GTSE1: variants seen among roughly 807,000 people sequenced by gnomAD.
GTSE1 encodes G2 and S phase-expressed protein 1.
In GTSE1, 52 loss-of-function variants were observed where a neutral mutation model predicts 60.5. The observed-to-expected ratio is 0.86, with a 90% CI of 0.69 to 1.08. The LOEUF (loss-of-function observed/expected upper bound fraction) is 1.08, where lower values mean the gene tolerates loss of function less well. GTSE1 is among the 50% of genes least tolerant of loss of function. The pLI, the probability that GTSE1 is intolerant of heterozygous loss-of-function variation, is 0.00. For synonymous variants in GTSE1, 368 were observed against 386.5 expected, an observed-to-expected ratio of 0.95 and a Z score of 0.56; for missense variants, 937 against 961.8, an observed-to-expected ratio of 0.97 and a Z score of 0.34.
chr22:46,328,524 C>G (rs1000687881), intron 9 of GTSE1, among the ~76,000 whole-genome samples, 164 bp from the exon 10 acceptor site: 1 of 152,194 alleles, frequency 6.6e-6, no homozygotes, highest in Non-Finnish European at 1.5e-5. Context: ...GATCACTGAG[C>G]CCCTTCCATA....
At position 46,308,862 on chromosome 22, in the gene GTSE1, T is replaced by A; in HGVS notation, c.681T>A (p.Thr227=). 6.2e-7 allele frequency: 1 copy of A among 1,613,260 alleles called. No individual in the cohort carries two copies. The highest frequency in any genetic ancestry group is 8.5e-7 in the Non-Finnish European group (1 of 1,180,040). Residue 227 remains threonine, a synonymous_variant, in exon 4 of 12, where the codon ACT becomes ACA. Coordinates refer to ENST00000454366, the MANE Select transcript of GTSE1 (RefSeq NM_016426.7). ...CTAHAASQAA[T]QRKPGTKLLL... Reference sequence around the variant, plus strand: ...CTCATGCTGCAAGTCAGGCAGCGACTCAGAGGAAGCCCGGGACCAAATTGC... The same window carrying A: ...CTCATGCTGCAAGTCAGGCAGCGACACAGAGGAAGCCCGGGACCAAATTGC...
chr22:46,323,648 G>A (rs6008685), intron 8 of GTSE1, among the ~76,000 whole-genome samples: 9,718 of 152,176 alleles, frequency 0.064, 1,062 homozygotes, highest in African/African-American at 0.22. Flanking sequence ...GACTTGTACC[G>A]CAGTTGAAGA....
At chr22:46,299,410 A>C (rs1388633828) in intron 2 of GTSE1, among the ~76,000 whole-genome samples, 2 of 152,212 alleles carry the variant, frequency 1.3e-5, no homozygotes, top group African/African-American at 4.8e-5. Flanking sequence ...GCGTCTTCAC[A>C]TGCACGTCTC....
chr22:46,323,389 G>A (rs764815592), intron 8 of GTSE1, 127 bp downstream of exon 8: 4 of 748,326 alleles, frequency 5.3e-6, no homozygotes, highest in South Asian at 1.4e-5. Context: ...TCTCTTGGGT[G>A]CAGGCCGAGC....
intron 8 of GTSE1, among the ~76,000 whole-genome samples, chr22:46,325,283 G>A (rs992197889): frequency 1.3e-4 from 19 of 151,824 alleles, no homozygotes; most frequent in Admixed American, 9.8e-4. Context: ...TGCAACCTCC[G>A]CTTCCTACGT....
rs757325598 is a variant in GTSE1 at position 46,318,608 on chromosome 22, G to A, written c.1432+2196G>A. Among the ~76,000 whole-genome samples, 1 of 152,120 alleles carries A rather than the reference G, an allele frequency of 6.6e-6. No homozygotes were observed. Among genetic ancestry groups the A allele is most frequent in the Non-Finnish European group, 1.5e-5 (1 of 68,042 alleles). ...GGCAAAGATGGTCAGGAGGTGACAC[G>A]GGACTGAGATCTGAACCAGGAGACT... On this transcript the variant is annotated intron_variant, in intron 7 of 11. Transcript: ENST00000454366. The surrounding 1 kb of genome is among the most constrained non-coding windows in gnomAD (Gnocchi z 4.8).
At position 46,312,164 on chromosome 22, in the gene GTSE1, T is replaced by C. The variant is rs2077752004; in HGVS notation, c.786T>C (p.Ser262=). Residue 262 remains serine (S), a synonymous_variant, in exon 5 of 12, where the codon AGT becomes AGC. Coordinates refer to ENST00000454366, the MANE Select transcript of GTSE1 (RefSeq NM_016426.7). ...AGCCCAAGAAAGAGATTCCAGCTAGTCCTTCCAGGACAAAAATCCCAGCTG... is the reference window on the plus strand; with the variant it reads ...AGCCCAAGAAAGAGATTCCAGCTAGCCCTTCCAGGACAAAAATCCCAGCTG... ...AEKPKKEIPA[S]PSRTKIPAEK... 6.2e-7 allele frequency: 1 copy of C among 1,613,782 alleles called. No individual in the cohort carries two copies. Among genetic ancestry groups the C allele is most frequent in the Non-Finnish European group, 8.5e-7 (1 of 1,179,834 alleles).
chr22:46,299,382 T>C (rs145303644), intron 2 of GTSE1, among the ~76,000 whole-genome samples: 39 of 152,372 alleles, frequency 2.6e-4, no homozygotes, highest in African/African-American at 9.1e-4. Context: ...TGGGCTTGTA[T>C]ATTCACCTGC....
Position 46,308,902 on chromosome 22 carries a change from G to T in GTSE1, c.721G>T (p.Ala241Ser). ...GACCAAATTGCTGCTGCCTCGAGCG[G>T]CCTCTGTTAGAGGAAGAAGCATCCC... is the stretch of plus-strand genomic sequence containing the variant. ...PGTKLLLPRAASVRGRSIPGA... is the reference protein window; with the variant it reads ...PGTKLLLPRASSVRGRSIPGA... Residue 241 changes from alanine (A) to serine (S), a missense_variant, in exon 4 of 12, where the codon GCC becomes TCC. Transcript: ENST00000454366. 1 of 1,613,036 alleles carries T rather than the reference G, an allele frequency of 6.2e-7. No homozygotes were observed. The highest frequency in any genetic ancestry group is 8.5e-7 in the Non-Finnish European group (1 of 1,179,968).
chr22:46,301,105 T>C (rs1437190391), intron 2 of GTSE1, among the ~76,000 whole-genome samples: 1 of 152,254 alleles, frequency 6.6e-6, no homozygotes, highest in Non-Finnish European at 1.5e-5. Flanking sequence ...TGTACCTATA[T>C]AGGGTTCCAC....
At chr22:46,328,271 G>A (rs1405162534) in intron 9 of GTSE1, among the ~76,000 whole-genome samples, 3 of 152,188 alleles carry the variant, frequency 2.0e-5, no homozygotes, top group Non-Finnish European at 4.4e-5. Context: ...AGGGGAGGGG[G>A]CATCTGGGGC....
intron 5 of GTSE1, 146 bp downstream of exon 5, chr22:46,312,451 G>A: frequency 1.4e-6 from 1 of 727,880 alleles, no homozygotes; most frequent in Non-Finnish European, 2.2e-6. Flanking sequence ...ACCAGCCTGA[G>A]CAACATGATG....
chr22:46,315,947 T>G, intron 6 of GTSE1, 85 bp from the exon 7 acceptor site: 1 of 1,048,562 alleles, frequency 9.5e-7, no homozygotes, highest in Non-Finnish European at 1.4e-6. Flanking sequence ...AAGGTAGATA[T>G]GCTAAAGACA....
rs371422576 is a variant in GTSE1, at chr22:46,311,062, G to GT, written c.763-1068dup. Among the ~76,000 whole-genome samples, 644 of 146,622 alleles carry GT rather than the reference G, an allele frequency of 4.4e-3. 2 individuals are homozygous for GT. The highest frequency in any genetic ancestry group is 0.011 in the African/African-American group (448 of 40,342). ...GGAGAACCGCTAATGGGTACAGGTT[G>GT]TTTTTTTTTTTGTTTTGTTTTGTTT... is the stretch of plus-strand genomic sequence containing the variant. On this transcript the variant is annotated intron_variant, in intron 4 of 11. Coordinates refer to ENST00000454366, the MANE Select transcript of GTSE1 (RefSeq NM_016426.7).
chr22:46,298,400 C>T (rs997480659), intron 2 of GTSE1, among the ~76,000 whole-genome samples: 11 of 148,500 alleles, frequency 7.4e-5, no homozygotes, highest in African/African-American at 1.2e-4. Context: ...CTCTGCCTTT[C>T]GGGTTCAAGC....
Position 46,326,529 on chromosome 22 carries a change from C to T in GTSE1, c.1599C>T (p.Pro533=), listed in dbSNP as rs6008698. ...SAWRVSALPT[P]ASRRCSGLPP... ...GGCGTGTGTCAGCCTTGCCCACACC[C>T]GCCAGCCGGCGCTGCTCTGGCCTTC... The change falls in exon 9 of 12, where the codon CCC becomes CCT. Residue 533 remains proline, a synonymous_variant. Coordinates refer to ENST00000454366, the MANE Select transcript of GTSE1 (RefSeq NM_016426.7). The T allele has an allele frequency of 7.6e-3, 12,296 of 1,614,056 alleles. 738 individuals carry two copies. In the African/African-American group the frequency reaches 0.14, roughly 18 times the overall value.
intron 2 of GTSE1, among the ~76,000 whole-genome samples, chr22:46,298,562 C>T (rs1212355335): frequency 6.6e-6 from 1 of 152,168 alleles, no homozygotes; most frequent in Non-Finnish European, 1.5e-5. Context: ...CCTGCCTAGG[C>T]CTCCCAAAGT....
At position 46,308,654 on chromosome 22, in the gene GTSE1, C is replaced by G; in HGVS notation, c.473C>G (p.Pro158Arg). Residue 158 changes from proline to arginine, a missense_variant, in exon 4 of 12, where the codon CCC becomes CGC. By Grantham distance (103) the Pro-to-Arg change is moderately radical. Transcript: ENST00000454366. ...AAAGAAAAGGAAATGAAGAAAAGCC[C>G]CACGTCTCTTAAAAGGGAGACATAC... ...FEKEKEMKKS[P>R]TSLKRETYYL... is the part of the protein sequence containing the mutation. 1 of 1,614,006 alleles carries G rather than the reference C, an allele frequency of 6.2e-7. No homozygotes were observed. The highest frequency in any genetic ancestry group is 8.5e-7 in the Non-Finnish European group (1 of 1,180,036).
At position 46,305,531 on chromosome 22, in the gene GTSE1, C is replaced by T. The variant is rs376611233; in HGVS notation, c.80-2619C>T. On this transcript the variant is annotated intron_variant, in intron 2 of 11. Transcript: ENST00000454366. The stretch of plus-strand genomic sequence containing the variant: ...GGCTGAGGCAGGAAAATCGCTGGAA[C>T]CTGGGAAGCAGAGGTTGTAGTGAGC... Among the ~76,000 whole-genome samples, 4 of 152,080 alleles carry T rather than the reference C, an allele frequency of 2.6e-5. No homozygotes were observed. The East Asian group carries it at 5.8e-4, about 22-fold the overall frequency.
Sources: gnomAD v4.1 joint callset for allele counts (sites outside exome capture counted in the v4.1 genomes callset) on GRCh38, gnomAD v4.1.1 for gene constraint, Gnocchi (gnomAD v3.1) non-coding constraint, MANE v1.5 for transcripts, NCBI Gene and HGNC (gene_info 2026-07-23, HGNC 2026-07-21) for gene names.